The following MDGA2 variants were observed in gnomAD, a reference collection of about 807,000 sequenced individuals.
The protein encoded by MDGA2 is MAM domain-containing glycosylphosphatidylinositol anchor protein 2.
MDGA2 carries 40 observed loss-of-function variants against 117.8 expected under a neutral mutation model. The observed-to-expected ratio is 0.34, with a 90% CI of 0.26 to 0.44. MDGA2 has a LOEUF of 0.44. MDGA2 is among the 20% of genes least tolerant of loss of function. MDGA2 has a pLI of 1.00. For synonymous variants in MDGA2, 452 were observed against 439.0 expected, an observed-to-expected ratio of 1.03 and a Z score of -0.37; for missense variants, 1,123 against 1,250.6, an observed-to-expected ratio of 0.90 and a Z score of 1.54.
intron 1 of MDGA2, among the ~76,000 whole-genome samples, chr14:47,610,409 A>ACT (rs1896825908): frequency 3.3e-5 from 5 of 152,124 alleles, no homozygotes; most frequent in Non-Finnish European, 7.4e-5. Context: ...GTTTATCGTG[A>ACT]AAACCCTAAT....
intron 5 of MDGA2, among the ~76,000 whole-genome samples, chr14:47,119,844 T>C (rs1881557301): frequency 6.6e-6 from 1 of 152,176 alleles, no homozygotes. Context: ...GCTTTGTTTA[T>C]ATCTTTCCTG....
At chr14:47,200,292 T>C (rs544311952) in intron 3 of MDGA2, among the ~76,000 whole-genome samples, 2 of 151,910 alleles carry the variant, frequency 1.3e-5, no homozygotes, top group Non-Finnish European at 2.9e-5. Context: ...TGAAGTAAAA[T>C]GTAATCAAAT....
chr14:46,904,506 T>C (rs567527685), intron 10 of MDGA2, among the ~76,000 whole-genome samples: 77 of 152,310 alleles, frequency 5.1e-4, no homozygotes, highest in Non-Finnish European at 8.5e-4. Context: ...CAAAAGAATA[T>C]GTAGCTATCC....
At chr14:47,311,390 A>G (rs1889629329) in intron 1 of MDGA2, among the ~76,000 whole-genome samples, 1 of 152,150 alleles carries the variant, frequency 6.6e-6, no homozygotes. Context: ...GTAGGCAGAG[A>G]ATTGTGAGGA....
chr14:46,948,368 G>T (rs1186370260), intron 9 of MDGA2, among the ~76,000 whole-genome samples: 1 of 152,108 alleles, frequency 6.6e-6, no homozygotes, highest in Non-Finnish European at 1.5e-5. Context: ...GCTCTTGCTT[G>T]TGTTCCTTAG....
rs1427414234 is a variant in MDGA2 at position 47,035,169 on chromosome 14, G to T, written c.1661C>A (p.Ala554Glu). ...ILWSRADKEV[A>E]MPDGSMQMES... Reference sequence around the variant, plus strand: ...CATTTGCATTGATCCATCAGGCATTGCAACTTCTTTATCCGCTCTAGACCA... The same window carrying T: ...CATTTGCATTGATCCATCAGGCATTTCAACTTCTTTATCCGCTCTAGACCA... The change falls in exon 8 of 17, where the codon GCA (alanine) becomes GAA (glutamate). Residue 554 changes from alanine (A) to glutamate (E), a missense_variant. This residue lies in a region of MDGA2 where 890 missense variants were observed against 1,050.3 expected (regional missense o/e 0.85). Transcript: ENST00000399232. 6.2e-7 allele frequency: 1 copy of T among 1,613,982 alleles called. No homozygotes were observed. Among genetic ancestry groups the T allele is most frequent in the African/African-American group, 1.3e-5 (1 of 74,896 alleles).
chr14:47,384,678 G>A (rs746955165), intron 1 of MDGA2, among the ~76,000 whole-genome samples: 2 of 151,972 alleles, frequency 1.3e-5, no homozygotes, highest in Non-Finnish European at 2.9e-5. Context: ...TGCTTGGGTG[G>A]GTGCCACAGT....
chr14:46,920,974 T>C (rs558644095), intron 9 of MDGA2, among the ~76,000 whole-genome samples: 3 of 152,320 alleles, frequency 2.0e-5, no homozygotes, highest in Admixed American at 2.0e-4. Context: ...ATATACCACA[T>C]ACAAACCATC....
At chr14:47,024,510 T>C (rs1273757925) in intron 8 of MDGA2, among the ~76,000 whole-genome samples, 1 of 152,212 alleles carries the variant, frequency 6.6e-6, no homozygotes, top group Non-Finnish European at 1.5e-5. Flanking sequence ...TTCAGTTTCC[T>C]GCTTAGCTTT....
chr14:47,053,601 G>GTGTA (rs1889534604), intron 7 of MDGA2, among the ~76,000 whole-genome samples: 2 of 107,608 alleles, frequency 1.9e-5, no homozygotes, highest in Non-Finnish European at 3.7e-5. Context: ...GTGTGTATGT[G>GTGTA]TATATATATA....
intron 1 of MDGA2, among the ~76,000 whole-genome samples, chr14:47,302,305 G>A (rs556545552): frequency 1.3e-5 from 2 of 152,268 alleles, no homozygotes; most frequent in East Asian, 3.9e-4. Context: ...AACTTTCTGT[G>A]AGTCATGAGA....
At chr14:47,598,459 G>A (rs965478855) in intron 1 of MDGA2, among the ~76,000 whole-genome samples, 1 of 152,144 alleles carries the variant, frequency 6.6e-6, no homozygotes, top group Non-Finnish European at 1.5e-5. Context: ...TAAATAGAAA[G>A]TGATATATAC....
intron 4 of MDGA2, among the ~76,000 whole-genome samples, chr14:47,134,827 C>A (rs990289273): frequency 6.7e-6 from 1 of 150,324 alleles, no homozygotes; most frequent in African/African-American, 2.4e-5. Flanking sequence ...AAATAACCAA[C>A]CTCTAATCAT....
chr14:47,259,307 T>C (rs898599406), intron 2 of MDGA2, among the ~76,000 whole-genome samples: 1 of 152,222 alleles, frequency 6.6e-6, no homozygotes, highest in African/African-American at 2.4e-5. Context: ...TTGTAGATAT[T>C]TAGGTTGATT....
At chr14:47,160,103 C>T (rs964002809) in intron 3 of MDGA2, among the ~76,000 whole-genome samples, 1 of 152,128 alleles carries the variant, frequency 6.6e-6, no homozygotes, top group African/African-American at 2.4e-5. Flanking sequence ...GCCACACCAC[C>T]ATTGAATACT....
intron 3 of MDGA2, among the ~76,000 whole-genome samples, chr14:47,172,166 A>C (rs182072335): frequency 0.023 from 3,553 of 152,250 alleles, 146 homozygotes; most frequent in African/African-American, 0.08. Context: ...GGTGGAGCCC[A>C]CCACAGCTCA....
chr14:47,448,719 G>T (rs1300213074), intron 1 of MDGA2, among the ~76,000 whole-genome samples: 1 of 152,124 alleles, frequency 6.6e-6, no homozygotes, highest in Non-Finnish European at 1.5e-5. Context: ...TCCTTATGCT[G>T]CAAATTATCA....
At chr14:47,386,026 A>G (rs1891749182) in intron 1 of MDGA2, among the ~76,000 whole-genome samples, 2 of 152,160 alleles carry the variant, frequency 1.3e-5, no homozygotes, top group African/African-American at 4.8e-5. Flanking sequence ...CACATCTGTA[A>G]TCCCAGCACT....
intron 1 of MDGA2, among the ~76,000 whole-genome samples, chr14:47,545,005 C>A (rs181629431): frequency 2.0e-5 from 3 of 152,216 alleles, no homozygotes; most frequent in African/African-American, 7.2e-5. Context: ...TCTGTGCCAA[C>A]CAAAATTGAT....
Sources: gnomAD v4.1 joint callset for allele counts (sites outside exome capture counted in the v4.1 genomes callset) on GRCh38, gnomAD v4.1.1 for gene constraint, gnomAD v4.1.1 regional missense constraint, MANE v1.5 for transcripts, NCBI Gene and HGNC (gene_info 2026-07-23, HGNC 2026-07-21) for gene names.